FAM169A: variants seen among roughly 807,000 people sequenced by gnomAD.
FAM169A encodes family with sequence similarity 169 member A, also known as soluble lamin-associated protein of 75 kDa.
FAM169A carries 24 observed loss-of-function variants against 75.7 expected under a neutral mutation model. That is an observed-to-expected ratio of 0.32 (90% CI 0.23 to 0.45). The LOEUF is 0.45. Among genes scored for constraint, FAM169A ranks in the 20% least tolerant of loss-of-function variants. The pLI, the probability that FAM169A is intolerant of heterozygous loss-of-function variation, is 1.00. For synonymous variants in FAM169A, 271 were observed against 271.0 expected (o/e 1.00, Z 0.00); for missense variants, 673 against 784.0 (o/e 0.86, Z 1.69).
Position 74,843,697 on chromosome 5 carries a change from T to C in FAM169A, c.-3-2018A>G, listed in dbSNP as rs1447677626. Among the ~76,000 whole-genome samples the C allele has an allele frequency of 2.0e-5, 3 of 152,236 alleles. No individual in the cohort carries two copies. In the East Asian group the frequency reaches 5.8e-4, roughly 29 times the overall value. On this transcript the variant is annotated intron_variant, in intron 1 of 12. Transcript: ENST00000687041. Reference sequence around the variant, plus strand: ...ATGCTCTTTACTGTGTTAACTCTCTTCACTCAACACTACTTCTGTGAGAAA... The same window carrying C: ...ATGCTCTTTACTGTGTTAACTCTCTCCACTCAACACTACTTCTGTGAGAAA...
chr5:74,864,613 C>A (rs756946753), intron 1 of FAM169A, among the ~76,000 whole-genome samples: 15 of 152,162 alleles, frequency 9.9e-5, no homozygotes, highest in Non-Finnish European at 2.9e-5. Context: ...CCTTTTAGAA[C>A]CTAAAATCCA....
At chr5:74,809,162 A>G (rs1260238504) in intron 6 of FAM169A, among the ~76,000 whole-genome samples, 1 of 152,212 alleles carries the variant, frequency 6.6e-6, no homozygotes, top group Non-Finnish European at 1.5e-5. Flanking sequence ...TAAAGAATAA[A>G]CAGTAGGATG....
intron 10 of FAM169A, chr5:74,799,078 A>T (rs1746428126): frequency 2.0e-6 from 2 of 995,806 alleles, no homozygotes; most frequent in Non-Finnish European, 1.6e-6. Context: ...CAGTGTCAAT[A>T]ATCACGAAGT....
In FAM169A at chr5:74,781,529, G is replaced by A; in HGVS notation, c.1944C>T (p.Asp648=). ...TGGCCTTTCTTCTTAAATTCCGCCTGTCTACCACAGGCACTTCCACTTCTA... is the reference window on the plus strand; with the variant it reads ...TGGCCTTTCTTCTTAAATTCCGCCTATCTACCACAGGCACTTCCACTTCTA... ...EEIEVEVPVV[D]RRNLRRKAKG... is the part of the protein sequence containing the mutation. The change falls in exon 13 of 13, where the codon GAC becomes GAT. Residue 648 remains aspartate (D), a synonymous_variant. Transcript: ENST00000687041. 6.2e-7 allele frequency: 1 copy of A among 1,614,138 alleles called. No homozygotes were observed. The highest frequency in any genetic ancestry group is 2.2e-5 in the East Asian group (1 of 44,884).
chr5:74,808,213 A>G (rs897783021), intron 6 of FAM169A, among the ~76,000 whole-genome samples: 4 of 152,226 alleles, frequency 2.6e-5, no homozygotes, highest in Non-Finnish European at 5.9e-5. Flanking sequence ...AAAAGGTAGA[A>G]ACAACCTAAC....
intron 1 of FAM169A, among the ~76,000 whole-genome samples, chr5:74,861,966 T>C (rs1027024611): frequency 6.6e-6 from 1 of 152,184 alleles, no homozygotes; most frequent in Non-Finnish European, 1.5e-5. Flanking sequence ...TATACAACCA[T>C]GGCAACAGAG....
chr5:74,798,501 A>C (rs961612576), intron 10 of FAM169A, among the ~76,000 whole-genome samples: 2 of 152,200 alleles, frequency 1.3e-5, no homozygotes, highest in African/African-American at 4.8e-5. Flanking sequence ...TTAACATTAC[A>C]AATTTTCACC....
At position 74,818,737 on chromosome 5, in the gene FAM169A, G is replaced by A. The variant is rs187037358; in HGVS notation, c.491-4718C>T. On this transcript the variant is annotated intron_variant, in intron 5 of 12. Transcript: ENST00000687041. ...AGGGCAAAGACAAGATTACAGATAC[G>A]TTTATTATCTTGATTGTGGTGACGG... 3.6e-3 allele frequency among the ~76,000 whole-genome samples: 536 copies of A among 147,102 alleles called. 5 individuals are homozygous for A. The highest frequency in any genetic ancestry group is 0.013 in the African/African-American group (511 of 39,922).
chr5:74,802,497 C>T (rs1271850981), intron 8 of FAM169A, among the ~76,000 whole-genome samples: 1 of 152,050 alleles, frequency 6.6e-6, no homozygotes, highest in Non-Finnish European at 1.5e-5. Flanking sequence ...ATTTCCTTTA[C>T]ACCTCTGTAA....
intron 6 of FAM169A, among the ~76,000 whole-genome samples, chr5:74,807,036 G>A (rs1746920834): frequency 6.6e-6 from 1 of 152,166 alleles, no homozygotes; most frequent in African/African-American, 2.4e-5. Context: ...TTTTGCAACA[G>A]TAAAGTTGAA....
rs6453083 is a variant in FAM169A at position 74,779,533 on chromosome 5, G to C, written c.*1927C>G. The C allele has an allele frequency of 6.6e-6, 1 of 151,462 alleles. No individual in the cohort carries two copies. The highest frequency in any genetic ancestry group is 2.4e-5 in the African/African-American group (1 of 41,042). 9.4% of individuals were successfully genotyped at this position (151,462 alleles called of 1,614,324 possible). On this transcript the variant is annotated 3_prime_UTR_variant, in exon 13 of 13. Coordinates refer to ENST00000687041, the MANE Select transcript of FAM169A (RefSeq NM_001376049.1). ...TAAGAATTTACTGAATCTTAACAGAGTATTTCCCTTTGTGATATTGACAGA... is the reference window on the plus strand; with the variant it reads ...TAAGAATTTACTGAATCTTAACAGACTATTTCCCTTTGTGATATTGACAGA...
chr5:74,781,636 C>G lies in FAM169A; in HGVS notation c.1837G>C (p.Glu613Gln). The G allele has an allele frequency of 6.2e-7, 1 of 1,614,118 alleles. No individual in the cohort carries two copies. Among genetic ancestry groups the G allele is most frequent in the South Asian group, 1.1e-5 (1 of 91,078 alleles). Reference sequence around the variant, plus strand: ...TGCTCGGAAGATGCTTCAGACTGCTCCTCTGACTGATTCTTCTGTCCTGCA... The same window carrying G: ...TGCTCGGAAGATGCTTCAGACTGCTGCTCTGACTGATTCTTCTGTCCTGCA... ...QNAGQKNQSE[E>Q]QSEASSEQLD... Residue 613 changes from glutamate (E) to glutamine (Q), a missense_variant, in exon 13 of 13, where the codon GAG becomes CAG. Coordinates refer to ENST00000687041, the MANE Select transcript of FAM169A (RefSeq NM_001376049.1).
At chr5:74,821,975 G>T (rs760331329) in intron 5 of FAM169A, among the ~76,000 whole-genome samples, 7 of 152,198 alleles carry the variant, frequency 4.6e-5, no homozygotes, top group Non-Finnish European at 1.0e-4. Flanking sequence ...CAATGGAGCT[G>T]CTGGGGTCTC....
chr5:74,846,572 G>C (rs536989747), intron 1 of FAM169A, among the ~76,000 whole-genome samples: 4 of 152,094 alleles, frequency 2.6e-5, no homozygotes, highest in Non-Finnish European at 5.9e-5. Context: ...TCACTGAAAA[G>C]GAGAAAATTC....
chr5:74,801,155 C>G, intron 9 of FAM169A, 125 bp from the exon 10 acceptor site: 3 of 612,044 alleles, frequency 4.9e-6, no homozygotes, highest in South Asian at 8.0e-5. Context: ...ACAGGTTCAC[C>G]CTCCCCTCAC....
chr5:74,857,571 GGAAAAA>G (rs1749779976), intron 1 of FAM169A, among the ~76,000 whole-genome samples: 7 of 65,718 alleles, frequency 1.1e-4, no homozygotes, highest in Admixed American at 4.9e-4. Context: ...CCTTGCCGCG[GGAAAAA>G]AAAAAAAAAA....
In FAM169A at chr5:74,793,633, C is replaced by T. The variant is rs889399415; in HGVS notation, c.1260+2397G>A. 2.0e-5 allele frequency among the ~76,000 whole-genome samples: 3 copies of T among 151,956 alleles called. No homozygotes were observed. In the East Asian group the frequency reaches 5.8e-4, roughly 29 times the overall value. On this transcript the variant is annotated intron_variant, in intron 11 of 12. Coordinates refer to ENST00000687041, the MANE Select transcript of FAM169A (RefSeq NM_001376049.1). ...TACACTGCTTGGATGATGGGTGCACCAAAATCTCAGAAATCACCACTAATG... is the reference window on the plus strand; with the variant it reads ...TACACTGCTTGGATGATGGGTGCACTAAAATCTCAGAAATCACCACTAATG...
rs1467966972 is a variant in FAM169A at position 74,778,844 on chromosome 5, A to G, written c.*2616T>C. 6.6e-6 allele frequency: 1 copy of G among 152,104 alleles called. No homozygotes were observed. Among genetic ancestry groups the G allele is most frequent in the Non-Finnish European group, 1.5e-5 (1 of 67,926 alleles). The allele number at this position is 152,104 out of a possible 1,614,324, so 9.4% of individuals were successfully genotyped here. ...TAATGTGACTGGACATTCAACAACT[A>G]GACTAGCCGGTTGAAATCACATTTT... On this transcript the variant is annotated 3_prime_UTR_variant, in exon 13 of 13. Transcript: ENST00000687041.
chr5:74,788,738 C>A (rs1242021943), intron 11 of FAM169A, among the ~76,000 whole-genome samples: 1 of 151,844 alleles, frequency 6.6e-6, no homozygotes, highest in African/African-American at 2.4e-5. Context: ...AATAGTCAAT[C>A]AAACACAATA....
Sources: gnomAD v4.1 joint callset for allele counts (sites outside exome capture counted in the v4.1 genomes callset) on GRCh38, gnomAD v4.1.1 for gene constraint, MANE v1.5 for transcripts, NCBI Gene and HGNC (gene_info 2026-07-23, HGNC 2026-07-21) for gene names.